HOXD3: variants seen among roughly 807,000 people sequenced by gnomAD.
HOXD3 encodes the protein homeobox D3.
A neutral mutation model predicts 32.8 loss-of-function variants in HOXD3; 13 were observed. That is an observed-to-expected ratio of 0.40 (90% CI 0.26 to 0.63). HOXD3 has a LOEUF of 0.63. Among genes scored for constraint, HOXD3 ranks in the 20% least tolerant of loss-of-function variants. The probability of loss-of-function intolerance (pLI) is 0.44; values close to 1 mark genes in which losing one functional copy is unlikely to be tolerated. For synonymous variants in HOXD3, 241 were observed against 246.8 expected, an observed-to-expected ratio of 0.98 and a Z score of 0.22; for missense variants, 504 against 577.1, an observed-to-expected ratio of 0.87 and a Z score of 1.30.
chr2:176,158,913 C>G (rs1029742398), intron 1 of HOXD3, among the ~76,000 whole-genome samples: 6 of 151,668 alleles, frequency 4.0e-5, no homozygotes, highest in Non-Finnish European at 8.8e-5. Flanking sequence ...GCTGGCAGCC[C>G]GGCAGCCAAC....
At chr2:176,167,989 G>C (rs1349640064) in intron 2 of HOXD3, among the ~76,000 whole-genome samples, 1 of 152,112 alleles carries the variant, frequency 6.6e-6, no homozygotes, top group Non-Finnish European at 1.5e-5. Flanking sequence ...AGGCTAAATG[G>C]ACAATCTTGA....
chr2:176,162,561 C>T lies in HOXD3; in HGVS notation c.-180-1512C>T, dbSNP rs1292078019. 5.9e-5 allele frequency among the ~76,000 whole-genome samples: 9 copies of T among 152,296 alleles called. No individual in the cohort carries two copies. The East Asian group carries it at 1.4e-3, about 23-fold the overall frequency. ...GGGCAAACAAGGAGCCAAAGTTGGACCCGCGTGGGATGGTGGGTGGGCAGG... is the reference window on the plus strand; with the variant it reads ...GGGCAAACAAGGAGCCAAAGTTGGATCCGCGTGGGATGGTGGGTGGGCAGG... On this transcript the variant is annotated intron_variant, in intron 1 of 3. Transcript: ENST00000683222.
At chr2:176,166,446 C>T (rs1690973571) in intron 2 of HOXD3, among the ~76,000 whole-genome samples, 1 of 152,146 alleles carries the variant, frequency 6.6e-6, no homozygotes, top group African/African-American at 2.4e-5. Flanking sequence ...TCCGATGTGA[C>T]CATTAGGCCT....
At chr2:176,154,646 G>A (rs1170319497), upstream of HOXD3, among the ~76,000 whole-genome samples, 2 of 152,178 alleles carry the variant, frequency 1.3e-5, no homozygotes, top group Non-Finnish European at 2.9e-5. Context: ...TGTCTCCTGA[G>A]AGCTGAGGGC....
At chr2:176,152,759 G>A, upstream of HOXD3, 1 of 1,614,202 alleles carries the variant, frequency 6.2e-7, no homozygotes, top group Middle Eastern at 1.6e-4. The surrounding 1 kb of genome is among the most constrained non-coding windows in gnomAD (Gnocchi z 5.2). Context: ...GTCTGTCGGA[G>A]CGCCAGATCA....
intron 1 of HOXD3, among the ~76,000 whole-genome samples, chr2:176,162,990 C>G (rs1389403435): frequency 1.3e-5 from 2 of 152,218 alleles, no homozygotes; most frequent in Non-Finnish European, 2.9e-5. Flanking sequence ...ACCGCACCAC[C>G]CTCAGGTCCC....
chr2:176,159,374 T>G (rs958873933), intron 1 of HOXD3, among the ~76,000 whole-genome samples: 6 of 152,182 alleles, frequency 3.9e-5, no homozygotes, highest in African/African-American at 1.4e-4. Context: ...TTCCTGCGCC[T>G]CTGGAGTGGG....
intron 1 of HOXD3, among the ~76,000 whole-genome samples, 136 bp downstream of exon 1, chr2:176,157,588 T>C (rs1690675907): frequency 6.6e-6 from 1 of 152,282 alleles, no homozygotes; most frequent in Admixed American, 6.5e-5. Context: ...GTGGCTTGGA[T>C]GGTGACCTTT....
rs1006155433 is a variant in HOXD3 at position 176,157,431 on chromosome 2, G to A, written c.-202G>A. On this transcript the variant is annotated 5_prime_UTR_variant, in exon 1 of 4. Coordinates refer to ENST00000683222, the MANE Select transcript of HOXD3 (RefSeq NM_006898.5). ...CGGCCCTCCACCCCCGGCCCCCGGC[G>A]GGCGCGGGAGCGCGGCCGCAGGTAA... 1.3e-5 allele frequency among the ~76,000 whole-genome samples: 2 copies of A among 152,086 alleles called. No homozygotes were observed. Among genetic ancestry groups the A allele is most frequent in the Non-Finnish European group, 2.9e-5 (2 of 68,016 alleles).
chr2:176,155,105 T>C (rs1690618010), upstream of HOXD3, among the ~76,000 whole-genome samples: 1 of 152,204 alleles, frequency 6.6e-6, no homozygotes, highest in South Asian at 2.1e-4. Context: ...GAGAGCAGTC[T>C]TTGGATGTAC....
rs1399330186 is a variant in HOXD3 at position 176,157,433 on chromosome 2, G to A, written c.-200G>A. 2.0e-5 allele frequency among the ~76,000 whole-genome samples: 3 copies of A among 152,134 alleles called. No individual in the cohort carries two copies. Among genetic ancestry groups the A allele is most frequent in the African/African-American group, 7.2e-5 (3 of 41,436 alleles). Reference sequence around the variant, plus strand: ...GCCCTCCACCCCCGGCCCCCGGCGGGCGCGGGAGCGCGGCCGCAGGTAAAT... The same window carrying A: ...GCCCTCCACCCCCGGCCCCCGGCGGACGCGGGAGCGCGGCCGCAGGTAAAT... On this transcript the variant is annotated 5_prime_UTR_variant, in exon 1 of 4. Transcript: ENST00000683222.
At chr2:176,171,224 G>T (rs1338941347) in intron 3 of HOXD3, among the ~76,000 whole-genome samples, 3 of 152,182 alleles carry the variant, frequency 2.0e-5, no homozygotes, top group Non-Finnish European at 4.4e-5. Flanking sequence ...ATGGCCTTTG[G>T]GTGGGTATGG....
chr2:176,157,770 G>T (rs1424376007), intron 1 of HOXD3, among the ~76,000 whole-genome samples: 1 of 152,188 alleles, frequency 6.6e-6, no homozygotes, highest in East Asian at 1.9e-4. Flanking sequence ...GGGGCGAGGG[G>T]TGAGGGGCGA....
chr2:176,171,411 G>A, intron 3 of HOXD3, 106 bp from the exon 4 acceptor site: 1 of 1,047,040 alleles, frequency 9.6e-7, no homozygotes. Context: ...CAGGATTGGA[G>A]GTGGGGGGAG....
upstream of HOXD3, chr2:176,152,852 T>G (rs202044839): frequency 6.2e-7 from 1 of 1,614,026 alleles, no homozygotes; most frequent in Admixed American, 1.7e-5. The surrounding 1 kb of genome is among the most constrained non-coding windows in gnomAD (Gnocchi z 5.2). Flanking sequence ...CGTCCTCATC[T>G]TCCTCCTCAT....
chr2:176,168,750 C>G (rs968489937), intron 2 of HOXD3, among the ~76,000 whole-genome samples: 5 of 152,058 alleles, frequency 3.3e-5, no homozygotes, highest in African/African-American at 9.7e-5. Context: ...TTGAAATACT[C>G]TGAAATAGCT....
chr2:176,165,552 A>G (rs921005608), intron 2 of HOXD3: 1 of 152,272 alleles, frequency 6.6e-6, no homozygotes, highest in African/African-American at 2.4e-5. Context: ...CAGCACCGCA[A>G]GAAAGGGCGA....
Position 176,172,407 on chromosome 2 carries a change from G to C in HOXD3, c.*133G>C, listed in dbSNP as rs369602867. 3.3e-4 allele frequency: 295 copies of C among 889,960 alleles called. No individual in the cohort carries two copies. Among genetic ancestry groups the C allele is most frequent in the South Asian group, 6.4e-4 (35 of 54,864 alleles). 55.1% of individuals were successfully genotyped at this position (889,960 alleles called of 1,614,324 possible). A position where few individuals can be genotyped will look rare whatever the true frequency, so the allele number is the denominator to read the frequency against. Reference sequence around the variant, plus strand: ...CCCTGCCGCCGCCTCCCGGGTCTCAGGCCTCCAGCGGCGGAGGCGCAGGCG... The same window carrying C: ...CCCTGCCGCCGCCTCCCGGGTCTCACGCCTCCAGCGGCGGAGGCGCAGGCG... On this transcript the variant is annotated 3_prime_UTR_variant, in exon 4 of 4. Coordinates refer to ENST00000683222, the MANE Select transcript of HOXD3 (RefSeq NM_006898.5).
chr2:176,172,928 A>C lies in HOXD3; in HGVS notation c.*654A>C, dbSNP rs928830169. 6.5e-6 allele frequency: 1 copy of C among 152,698 alleles called. No individual in the cohort carries two copies. The highest frequency in any genetic ancestry group is 1.5e-5 in the Non-Finnish European group (1 of 68,078). 9.5% of individuals were successfully genotyped at this position (152,698 alleles called of 1,614,324 possible). A position where few individuals can be genotyped will look rare whatever the true frequency, so the allele number is the denominator to read the frequency against. ...CGTGGCTGGTGTTTGTAGTTGACAT[A>C]AAGGATTAAGACCGCAAATTGTCCT... On this transcript the variant is annotated 3_prime_UTR_variant, in exon 4 of 4. Coordinates refer to ENST00000683222, the MANE Select transcript of HOXD3 (RefSeq NM_006898.5).
Sources: gnomAD v4.1 joint callset for allele counts (sites outside exome capture counted in the v4.1 genomes callset) on GRCh38, gnomAD v4.1.1 for gene constraint, Gnocchi (gnomAD v3.1) non-coding constraint, MANE v1.5 for transcripts, NCBI Gene and HGNC (gene_info 2026-07-23, HGNC 2026-07-21) for gene names.